The following SCP2 variants were observed in gnomAD, a reference collection of about 807,000 sequenced individuals.
SCP2 encodes sterol carrier protein 2, also known as SCP-2/3-oxoacyl-CoA thiolase.
SCP2 carries 48 observed loss-of-function variants against 71.4 expected under a neutral mutation model. That is an observed-to-expected ratio of 0.67 (90% CI 0.53 to 0.86). SCP2 has a LOEUF of 0.86. Ranked by LOEUF, SCP2 falls within the 40% of genes least tolerant of loss-of-function variation. The pLI, the probability that SCP2 is intolerant of heterozygous loss-of-function variation, is 0.00. For missense variants in SCP2, 560 were observed against 655.6 expected (o/e 0.85, Z 1.59); for synonymous variants, 220 against 218.1 (o/e 1.01, Z -0.08).
intron 11 of SCP2, among the ~76,000 whole-genome samples, chr1:53,010,973 C>T (rs1336572561): frequency 3.3e-5 from 5 of 152,180 alleles, no homozygotes; most frequent in Non-Finnish European, 5.9e-5. Context: ...AATAAACAGC[C>T]TTGTTGCTCA....
chr1:53,044,888 A>G (rs1275432761), intron 14 of SCP2, among the ~76,000 whole-genome samples: 1 of 152,120 alleles, frequency 6.6e-6, no homozygotes, highest in Admixed American at 6.5e-5. Context: ...TGATAATAAA[A>G]TTAATATTTT....
At chr1:53,042,189 G>C (rs1014121413) in intron 14 of SCP2, among the ~76,000 whole-genome samples, 2 of 151,492 alleles carry the variant, frequency 1.3e-5, no homozygotes, top group South Asian at 4.2e-4. Context: ...ACTCTAAGGT[G>C]GTGTACAAAG....
At chr1:52,993,689 G>T (rs150459731) in intron 11 of SCP2, 6 of 1,611,946 alleles carry the variant, frequency 3.7e-6, no homozygotes, top group East Asian at 2.2e-5. Context: ...ATCATAATCC[G>T]TTACAAAATA....
intron 13 of SCP2, among the ~76,000 whole-genome samples, chr1:53,037,918 A>C (rs997842563): frequency 1.6e-5 from 2 of 126,386 alleles, no homozygotes; most frequent in African/African-American, 6.6e-5. Context: ...ACACACACAC[A>C]CACACACACA....
At chr1:53,046,807 T>A (rs1663852843) in intron 14 of SCP2, among the ~76,000 whole-genome samples, 1 of 152,250 alleles carries the variant, frequency 6.6e-6, no homozygotes, top group South Asian at 2.1e-4. Flanking sequence ...ATATTTAGTG[T>A]CTGATCTGTT....
intron 11 of SCP2, among the ~76,000 whole-genome samples, chr1:53,009,431 A>G (rs1660843415): frequency 6.6e-6 from 1 of 152,222 alleles, no homozygotes; most frequent in African/African-American, 2.4e-5. Flanking sequence ...AAACAGAGAT[A>G]TAGACCAATG....
intron 6 of SCP2, among the ~76,000 whole-genome samples, chr1:52,963,459 A>G (rs1041010993): frequency 6.6e-6 from 1 of 152,014 alleles, no homozygotes; most frequent in African/African-American, 2.4e-5. Context: ...TTCCATATGT[A>G]TGTTATCTTA....
chr1:52,976,198 T>C (rs1480696895), intron 7 of SCP2, among the ~76,000 whole-genome samples: 1 of 152,084 alleles, frequency 6.6e-6, no homozygotes, highest in East Asian at 1.9e-4. Flanking sequence ...CTGAACACCA[T>C]GTCCAGATTT....
At chr1:52,994,725 C>T in intron 11 of SCP2, 1 of 711,106 alleles carries the variant, frequency 1.4e-6, no homozygotes, top group Non-Finnish European at 2.3e-6. Context: ...AAATTTTAAC[C>T]ATGAGGGAAA....
intron 2 of SCP2, among the ~76,000 whole-genome samples, chr1:52,947,103 C>T (rs534498674): frequency 3.5e-4 from 52 of 149,684 alleles, no homozygotes; most frequent in Non-Finnish European, 5.8e-4. Context: ...AATAGAGGGC[C>T]GAGTGTGGTG....
At chr1:52,956,765 T>C (rs540897990) in intron 5 of SCP2, among the ~76,000 whole-genome samples, 1 of 152,322 alleles carries the variant, frequency 6.6e-6, no homozygotes, top group East Asian at 1.9e-4. Context: ...GAAAAATATG[T>C]ATTTTTTTCA....
chr1:53,009,407 T>C (rs1487158621), intron 11 of SCP2, among the ~76,000 whole-genome samples: 3 of 152,202 alleles, frequency 2.0e-5, no homozygotes, highest in East Asian at 1.9e-4. Context: ...CAAAACAGCA[T>C]GGTACTGGTA....
intron 13 of SCP2, among the ~76,000 whole-genome samples, chr1:53,031,416 CTT>C (rs1267780177): frequency 6.6e-6 from 1 of 152,164 alleles, no homozygotes; most frequent in Non-Finnish European, 1.5e-5. Flanking sequence ...GTCTTGGAAT[CTT>C]TTGTCAATTC....
chr1:52,975,945 A>G (rs1187524780), intron 7 of SCP2, among the ~76,000 whole-genome samples: 1 of 152,130 alleles, frequency 6.6e-6, no homozygotes, highest in African/African-American at 2.4e-5. Flanking sequence ...ACTGACCACA[A>G]ATCCAGGGGC....
chr1:53,014,599 G>A (rs759744623), intron 11 of SCP2, among the ~76,000 whole-genome samples: 1 of 152,114 alleles, frequency 6.6e-6, no homozygotes, highest in African/African-American at 2.4e-5. Context: ...CATTAAAAAT[G>A]GTAAAATTAA....
intron 12 of SCP2, among the ~76,000 whole-genome samples, chr1:53,015,322 G>A (rs908301280): frequency 3.9e-5 from 6 of 152,198 alleles, no homozygotes; most frequent in African/African-American, 4.8e-5. Flanking sequence ...AGCAACCTAA[G>A]TTATTTAGGC....
intron 13 of SCP2, among the ~76,000 whole-genome samples, chr1:53,030,529 G>A (rs1272297453): frequency 1.3e-5 from 2 of 151,940 alleles, no homozygotes; most frequent in East Asian, 3.9e-4. Flanking sequence ...TTGTAAAGAT[G>A]GGGTCTTGCT....
At chr1:52,976,830 C>A in intron 8 of SCP2, 61 bp downstream of exon 8, 1 of 876,514 alleles carries the variant, frequency 1.1e-6, no homozygotes, top group Admixed American at 1.7e-5. Context: ...CCTGCCACCC[C>A]CCTGTGGTTA....
At chr1:52,991,910 T>G (rs1251662724) in intron 11 of SCP2, among the ~76,000 whole-genome samples, 1 of 152,048 alleles carries the variant, frequency 6.6e-6, no homozygotes, top group African/African-American at 2.4e-5. Flanking sequence ...CATCTCAAAA[T>G]CAGGAACATA....
Sources: gnomAD v4.1 joint callset for allele counts (sites outside exome capture counted in the v4.1 genomes callset) on GRCh38, gnomAD v4.1.1 for gene constraint, MANE v1.5 for transcripts, NCBI Gene and HGNC (gene_info 2026-07-23, HGNC 2026-07-21) for gene names.